The following MARK1 variants were observed in gnomAD, a reference collection of about 807,000 sequenced individuals.
The protein encoded by MARK1 is microtubule affinity regulating kinase 1, also known as serine/threonine-protein kinase MARK1.
MARK1 carries 40 observed loss-of-function variants against 96.3 expected under a neutral mutation model. That is an observed-to-expected ratio of 0.42 (90% confidence interval 0.32 to 0.54). MARK1 has a LOEUF of 0.54. Among genes scored for constraint, MARK1 ranks in the 20% least tolerant of loss-of-function variants. MARK1 has a pLI of 0.16. For missense variants in MARK1, 719 were observed against 984.6 expected, an observed-to-expected ratio of 0.73 and a Z score of 3.61; for synonymous variants, 317 against 341.2, an observed-to-expected ratio of 0.93 and a Z score of 0.78.
chr1:220,605,031 C>T (rs904030373), intron 6 of MARK1, among the ~76,000 whole-genome samples: 24 of 151,818 alleles, frequency 1.6e-4, no homozygotes, highest in African/African-American at 5.1e-4. Context: ...TCAGTATGTT[C>T]GGAAAAGACC....
chr1:220,628,354 T>C (rs2102997307), intron 9 of MARK1, among the ~76,000 whole-genome samples: 1 of 152,304 alleles, frequency 6.6e-6, no homozygotes, highest in African/African-American at 2.4e-5. Flanking sequence ...GAAGAGTATC[T>C]ACACTTAAAC....
intron 1 of MARK1, among the ~76,000 whole-genome samples, chr1:220,551,754 G>A (rs1408357443): frequency 6.6e-6 from 1 of 152,106 alleles, no homozygotes; most frequent in Admixed American, 6.5e-5. Context: ...GCAAAATAAG[G>A]AAAAAATATT....
In MARK1 at chr1:220,662,783, TAC is replaced by T. The variant is rs1669546307; in HGVS notation, c.*619_*620del. 6.5e-6 allele frequency: 1 copy of T among 152,830 alleles called. No individual in the cohort carries two copies. The highest frequency in any genetic ancestry group is 2.4e-5 in the African/African-American group (1 of 41,592). 9.5% of individuals were successfully genotyped at this position (152,830 alleles called of 1,614,324 possible). On this transcript the variant is annotated 3_prime_UTR_variant, in exon 18 of 18. Transcript: ENST00000366917. ...TTTAGTTGAGAAGATACAAAATGTT[TAC>T]AGTGTTGGCACTTAGAGTTTTTAAA... is the stretch of plus-strand genomic sequence containing the variant.
chr1:220,648,853 C>A (rs918484387), intron 13 of MARK1, among the ~76,000 whole-genome samples: 7 of 152,088 alleles, frequency 4.6e-5, no homozygotes, highest in Non-Finnish European at 7.4e-5. Flanking sequence ...TTCCTGTTTC[C>A]TATTACGTAT....
At chr1:220,587,126 C>CT (rs35850985) in intron 3 of MARK1, among the ~76,000 whole-genome samples, 11 of 151,932 alleles carry the variant, frequency 7.2e-5, no homozygotes, top group African/African-American at 2.2e-4. Context: ...TTTTTAAAAA[C>CT]TTTTTTTTAC....
At chr1:220,627,026 T>A (rs571798180) in intron 9 of MARK1, 3 of 541,930 alleles carry the variant, frequency 5.5e-6, no homozygotes, top group Non-Finnish European at 1.1e-5. Context: ...TGGACCAGAT[T>A]TCAGGCTCCA....
intron 15 of MARK1, 134 bp from the exon 16 acceptor site, chr1:220,652,967 T>C: frequency 1.1e-6 from 1 of 947,262 alleles, no homozygotes; most frequent in Non-Finnish European, 1.6e-6. Flanking sequence ...CAAACCCATG[T>C]CTCACATCTC....
intron 3 of MARK1, among the ~76,000 whole-genome samples, chr1:220,597,720 A>G (rs1301963395): frequency 6.6e-6 from 1 of 152,202 alleles, no homozygotes; most frequent in Non-Finnish European, 1.5e-5. Context: ...TGCTTTTGAA[A>G]AATGTGCCCT....
chr1:220,556,482 T>TCA (rs1413442889), intron 1 of MARK1, among the ~76,000 whole-genome samples: 1 of 37,314 alleles, frequency 2.7e-5, no homozygotes, highest in Non-Finnish European at 5.1e-5. Context: ...CATGGGACTG[T>TCA]CACAAAAAAA....
intron 1 of MARK1, among the ~76,000 whole-genome samples, chr1:220,568,058 A>G (rs1473235453): frequency 6.6e-6 from 1 of 152,138 alleles, no homozygotes; most frequent in East Asian, 1.9e-4. Flanking sequence ...CAACCCACTT[A>G]TGCTCAGTAA....
intron 1 of MARK1, among the ~76,000 whole-genome samples, chr1:220,539,459 G>A (rs1332548241): frequency 6.6e-6 from 1 of 152,088 alleles, no homozygotes; most frequent in Non-Finnish European, 1.5e-5. Flanking sequence ...TGTGCTGCTG[G>A]ATTTGGTTTG....
At chr1:220,555,401 T>A (rs549786661) in intron 1 of MARK1, among the ~76,000 whole-genome samples, 2 of 152,282 alleles carry the variant, frequency 1.3e-5, no homozygotes, top group East Asian at 1.9e-4. Context: ...TGCAAAATAA[T>A]GAGAAGCAGA....
At chr1:220,556,472 C>T (rs1160200483) in intron 1 of MARK1, among the ~76,000 whole-genome samples, 3 of 105,046 alleles carry the variant, frequency 2.9e-5, no homozygotes. Flanking sequence ...ATCTAGGACC[C>T]ATGGGACTGT....
At position 220,618,658 on chromosome 1, in the gene MARK1, G is replaced by A. The variant is rs1310493972; in HGVS notation, c.812G>A (p.Arg271Gln). The change falls in exon 9 of 18, where the codon CGA becomes CAA. Residue 271 changes from arginine (R) to glutamine (Q), a missense_variant. Physicochemically the swap from Arg to Gln is conservative, Grantham distance 43. This residue lies in a region of MARK1 where 96 missense variants were observed against 213.1 expected (regional missense o/e 0.45). Transcript: ENST00000366917. The surrounding 1 kb of genome is among the most constrained non-coding windows in gnomAD (Gnocchi z 4.6). ...NLKELRERVLRGKYRIPFYMS... is the reference protein window; with the variant it reads ...NLKELRERVLQGKYRIPFYMS... ...AAGGAACTGCGAGAGCGAGTTTTAC[G>A]AGGGAAGTACCGTATTCCCTTCTAT... 13 of 1,613,796 alleles carry A rather than the reference G, an allele frequency of 8.1e-6. No homozygotes were observed. Among genetic ancestry groups the A allele is most frequent in the Admixed American group, 1.7e-5 (1 of 59,966 alleles).
chr1:220,646,499 C>G (rs1303078222), intron 13 of MARK1, among the ~76,000 whole-genome samples: 1 of 152,096 alleles, frequency 6.6e-6, no homozygotes, highest in Non-Finnish European at 1.5e-5. Context: ...CTTATAAATT[C>G]AATGCTATTC....
chr1:220,549,682 A>G (rs553303491), intron 1 of MARK1, among the ~76,000 whole-genome samples: 15 of 152,330 alleles, frequency 9.8e-5, no homozygotes, highest in African/African-American at 3.4e-4. Flanking sequence ...TTAGTGACAT[A>G]GATGTCCTCA....
At chr1:220,645,865 T>G (rs1005699698) in intron 13 of MARK1, among the ~76,000 whole-genome samples, 3 of 152,316 alleles carry the variant, frequency 2.0e-5, no homozygotes, top group East Asian at 1.9e-4. Flanking sequence ...CCCTTCATGT[T>G]CTCAATAAAC....
rs2102844003 is a variant in MARK1, at chr1:220,581,406, AAT to A, written c.309+291_309+292del. 2.6e-5 allele frequency among the ~76,000 whole-genome samples: 4 copies of A among 152,256 alleles called. No individual in the cohort carries two copies. The East Asian group carries it at 7.7e-4, about 29-fold the overall frequency. On this transcript the variant is annotated intron_variant, in intron 3 of 17. Transcript: ENST00000366917. ...AAGTATTCAGGATTTGAAATATTCA[AAT>A]ATTTTGAAGTATTTTCAAGTATTCA...
intron 3 of MARK1, among the ~76,000 whole-genome samples, chr1:220,583,070 A>T (rs1262669165): frequency 6.6e-6 from 1 of 152,252 alleles, no homozygotes; most frequent in Non-Finnish European, 1.5e-5. Context: ...TCTCCCAGTC[A>T]GTCATACTTA....
Sources: allele counts gnomAD v4.1 joint callset (sites outside exome capture counted in the v4.1 genomes callset), GRCh38; gene constraint gnomAD v4.1.1; regional missense constraint gnomAD v4.1.1; non-coding constraint Gnocchi (gnomAD v3.1); transcripts MANE v1.5; gene names NCBI Gene and HGNC (gene_info 2026-07-23, HGNC 2026-07-21).